Variants in SPEG observed in about 807,000 individuals in gnomAD.
SPEG encodes striated muscle preferentially expressed protein kinase.
In SPEG, 114 loss-of-function variants were observed where a neutral mutation model predicts 300.4. That is an observed-to-expected ratio of 0.38 (90% CI 0.33 to 0.44). The LOEUF is 0.44. Among genes scored for constraint, SPEG ranks in the 20% least tolerant of loss-of-function variants. The pLI is 1.00. For missense variants in SPEG, 4,201 were observed against 4,586.2 expected (o/e 0.92, Z 2.43); for synonymous variants, 1,964 against 2,018.9 (o/e 0.97, Z 0.73).
chr2:219,451,602 C>T lies in SPEG; in HGVS notation c.2258-23C>T, dbSNP rs370957583. 11 of 1,503,410 alleles carry T rather than the reference C, an allele frequency of 7.3e-6. No homozygotes were observed. In the African/African-American group the frequency reaches 8.3e-5, roughly 11 times the overall value. 93.1% of individuals were successfully genotyped at this position (1,503,410 alleles called of 1,614,324 possible). ...TGGGCGCCTGTGGGCCGTGGCGAGCCGGGTCCCTGTGCCTCCCCACAGTGT... is the reference window on the plus strand; with the variant it reads ...TGGGCGCCTGTGGGCCGTGGCGAGCTGGGTCCCTGTGCCTCCCCACAGTGT... On this transcript the variant is annotated intron_variant, in intron 5 of 40. Coordinates refer to ENST00000312358, the MANE Select transcript of SPEG (RefSeq NM_005876.5). This position sits in a 1 kb window ranked among gnomAD's most constrained non-coding sequence, Gnocchi z 6.4.
intron 1 of SPEG, chr2:219,442,052 T>C: frequency 1.7e-6 from 2 of 1,160,092 alleles, no homozygotes; most frequent in Non-Finnish European, 2.1e-6. Context: ...TCCCCCGCCA[T>C]GAAGAAGCTG....
At chr2:219,471,807 G>A (rs1553613607) in intron 13 of SPEG, 61 bp from the exon 14 acceptor site, 2 of 1,604,018 alleles carry the variant, frequency 1.2e-6, no homozygotes, top group Non-Finnish European at 8.5e-7. Context: ...GGATGGCATG[G>A]GCCTACCCCT....
chr2:219,447,304 G>C (rs889082855), intron 3 of SPEG, among the ~76,000 whole-genome samples: 1 of 152,034 alleles, frequency 6.6e-6, no homozygotes, highest in African/African-American at 2.4e-5. Flanking sequence ...CCTATCGGGG[G>C]GCAGACTGAG....
At chr2:219,482,023 C>T (rs748607016) in intron 28 of SPEG, 2 of 435,030 alleles carry the variant, frequency 4.6e-6, no homozygotes, top group Non-Finnish European at 8.4e-6. Context: ...CTCTGTCCTG[C>T]ACTGGTCCCA....
At chr2:219,471,352 G>A (rs573794348) in intron 13 of SPEG, among the ~76,000 whole-genome samples, 3 of 152,330 alleles carry the variant, frequency 2.0e-5, no homozygotes, top group South Asian at 2.1e-4. Context: ...CAACAGAGAC[G>A]TGGCTGGCAG....
Position 219,435,372 on chromosome 2 carries a change from G to A in SPEG, c.388+7G>A. The A allele has an allele frequency of 6.5e-7, 1 of 1,528,232 alleles. No homozygotes were observed. Among genetic ancestry groups the A allele is most frequent in the Non-Finnish European group, 8.7e-7 (1 of 1,145,826 alleles). 94.7% of individuals were successfully genotyped at this position (1,528,232 alleles called of 1,614,324 possible). ...ACAGTGCTGGAGGTCGGAGGTAAAG[G>A]GCAGGTGGGGGCCGCGCCCGGCAGG... On this transcript the variant is annotated splice_region_variant and intron_variant, in intron 1 of 40. Coordinates refer to ENST00000312358, the MANE Select transcript of SPEG (RefSeq NM_005876.5).
At chr2:219,453,145 C>T (rs1689899683) in intron 6 of SPEG, among the ~76,000 whole-genome samples, 1 of 152,192 alleles carries the variant, frequency 6.6e-6, no homozygotes, top group South Asian at 2.1e-4. Context: ...TCCAGGACCC[C>T]AGTCAATACC....
Position 219,488,535 on chromosome 2 carries a change from C to T in SPEG, c.7896C>T (p.Ile2632=), listed in dbSNP as rs753424801. 21 of 1,603,808 alleles carry T rather than the reference C, an allele frequency of 1.3e-5. No individual in the cohort carries two copies. The highest frequency in any genetic ancestry group is 1.7e-4 in the Middle Eastern group (1 of 6,036). Residue 2632 remains isoleucine (I), a synonymous_variant, in exon 33 of 41, where the codon ATC becomes ATT. Coordinates refer to ENST00000312358, the MANE Select transcript of SPEG (RefSeq NM_005876.5). ...KSLRSEPSVI[I]VSCKDGRQLL... is the part of the protein sequence containing the mutation. The stretch of plus-strand genomic sequence containing the variant: ...TGAGGTCAGAGCCCTCAGTGATCAT[C>T]GTGTCCTGCAAAGATGGGCGGCAGC...
In SPEG at chr2:219,483,722, C is replaced by G; in HGVS notation, c.6259C>G (p.Leu2087Val). Reference protein sequence around the residue: ...GGPEDGKVSGLRGPLLESLGG... With the variant: ...GGPEDGKVSGVRGPLLESLGG... ...CCCCGAGGATGGCAAGGTCAGCGGC[C>G]TCAGGGGTCCCCTGCTGGAGAGCCT... Residue 2087 changes from leucine (L) to valine (V), a missense_variant, in exon 30 of 41, where the codon CTC (leucine) becomes GTC (valine). By Grantham distance (32) the Leu-to-Val change is conservative (BLOSUM62 1). Transcript: ENST00000312358. 6.5e-7 allele frequency: 1 copy of G among 1,535,634 alleles called. No individual in the cohort carries two copies.
At chr2:219,438,485 C>T (rs1954776650) in intron 1 of SPEG, among the ~76,000 whole-genome samples, 1 of 152,178 alleles carries the variant, frequency 6.6e-6, no homozygotes, top group African/African-American at 2.4e-5. Flanking sequence ...TCAATATCTC[C>T]AAATCCATCT....
At position 219,483,207 on chromosome 2, in the gene SPEG, G is replaced by C; in HGVS notation, c.5744G>C (p.Ser1915Thr). ...WVTMPRRPPP[S>T]GGLSSSSDSE... ...ACCATGCCCAGAAGGCCACCCCCCA[G>C]TGGGGGGCTCTCATCCTCCTCGGAT... Residue 1915 changes from serine to threonine, a missense_variant, in exon 30 of 41, where the codon AGT (serine) becomes ACT (threonine). This residue lies in a region of SPEG where 1,578 missense variants were observed against 1,506.0 expected (regional missense o/e 1.05). Transcript: ENST00000312358. 3 of 1,610,040 alleles carry C rather than the reference G, an allele frequency of 1.9e-6. 1 individual carries two copies. In the East Asian group the frequency reaches 6.7e-5, roughly 36 times the overall value.
At chr2:219,462,149 A>G (rs1690770449) in intron 7 of SPEG, 92 bp downstream of exon 7, 3 of 1,223,634 alleles carry the variant, frequency 2.5e-6, no homozygotes, top group Middle Eastern at 2.1e-4. Context: ...GGCAACATCA[A>G]GACCTGGAAC....
chr2:219,436,145 G>C (rs1954712615), intron 1 of SPEG, among the ~76,000 whole-genome samples: 1 of 152,238 alleles, frequency 6.6e-6, no homozygotes, highest in Non-Finnish European at 1.5e-5. Flanking sequence ...GAGCATGGAA[G>C]GGGGATGCTA....
chr2:219,480,534 A>G lies in SPEG; in HGVS notation c.5343-137A>G. On this transcript the variant is annotated intron_variant, in intron 25 of 40. Transcript: ENST00000312358. The surrounding 1 kb of genome is among the most constrained non-coding windows in gnomAD (Gnocchi z 5.3). ...GTAGGTTCAGGGTCCTCCCTGAAGA[A>G]GCCACTCCTGTGCCCATTGTCCATG... The G allele has an allele frequency of 2.3e-6, 2 of 867,104 alleles. No individual in the cohort carries two copies. The highest frequency in any genetic ancestry group is 4.8e-5 in the East Asian group (2 of 41,264). 53.7% of individuals were successfully genotyped at this position (867,104 alleles called of 1,614,324 possible).
chr2:219,450,086 A>G (rs756468456), intron 4 of SPEG, among the ~76,000 whole-genome samples: 1 of 152,194 alleles, frequency 6.6e-6, no homozygotes, highest in Non-Finnish European at 1.5e-5. Flanking sequence ...GATCTCTTTC[A>G]TTGCACTTAC....
In SPEG at chr2:219,459,187, C is replaced by T. The variant is rs1393418595; in HGVS notation, c.2441-2695C>T. On this transcript the variant is annotated intron_variant, in intron 6 of 40. Coordinates refer to ENST00000312358, the MANE Select transcript of SPEG (RefSeq NM_005876.5). This position sits in a 1 kb window ranked among gnomAD's most constrained non-coding sequence, Gnocchi z 4.9. ...AGCCAGTGTGAAGGGGCGGTACTTCCGTGGTGGGTTGTTCGGGGCCATTGA... is the reference window on the plus strand; with the variant it reads ...AGCCAGTGTGAAGGGGCGGTACTTCTGTGGTGGGTTGTTCGGGGCCATTGA... Among the ~76,000 whole-genome samples the T allele has an allele frequency of 1.3e-5, 2 of 152,126 alleles. No individual in the cohort carries two copies. Among genetic ancestry groups the T allele is most frequent in the Non-Finnish European group, 2.9e-5 (2 of 68,026 alleles).
Position 219,492,833 on chromosome 2 carries a change from C to A in SPEG, c.*47C>A. 1 of 1,520,708 alleles carries A rather than the reference C, an allele frequency of 6.6e-7. No individual in the cohort carries two copies. Among genetic ancestry groups the A allele is most frequent in the Non-Finnish European group, 8.8e-7 (1 of 1,132,910 alleles). 94.2% of individuals were successfully genotyped at this position (1,520,708 alleles called of 1,614,324 possible). The stretch of plus-strand genomic sequence containing the variant: ...CTCGGGCTTCAACTGGGGTTCCCAC[C>A]AATGCCACGGGACATTCCAGGGCCC... On this transcript the variant is annotated 3_prime_UTR_variant, in exon 41 of 41. Transcript: ENST00000312358.
rs1690373616 is a variant in SPEG at position 219,458,473 on chromosome 2, T to TC, written c.2441-3408dup. 6.6e-6 allele frequency among the ~76,000 whole-genome samples: 1 copy of TC among 151,760 alleles called. No individual in the cohort carries two copies. Among genetic ancestry groups the TC allele is most frequent in the Non-Finnish European group, 1.5e-5 (1 of 67,956 alleles). The stretch of plus-strand genomic sequence containing the variant: ...TTGGCCCCAGCCCCGACCTACTGAA[T>TC]CGGAAATTCCGTGGGTGGGGCCCAG... On this transcript the variant is annotated intron_variant, in intron 6 of 40. Coordinates refer to ENST00000312358, the MANE Select transcript of SPEG (RefSeq NM_005876.5). The surrounding 1 kb of genome is among the most constrained non-coding windows in gnomAD (Gnocchi z 4.2).
Position 219,477,291 on chromosome 2 carries a change from G to T in SPEG, c.4575G>T (p.Leu1525=). ...DIMWYKDEVL[L]TESSHVSFVY... is the part of the protein sequence containing the mutation. ...CCACTCTGCAGGACGAGGTGCTGCT[G>T]ACCGAGAGCAGCCATGTGAGCTTCG... The change falls in exon 20 of 41, where the codon CTG becomes CTT. Residue 1525 remains leucine, a synonymous_variant. Transcript: ENST00000312358. This position sits in a 1 kb window ranked among gnomAD's most constrained non-coding sequence, Gnocchi z 6.4. The T allele has an allele frequency of 6.2e-7, 1 of 1,612,022 alleles. No individual in the cohort carries two copies. Among genetic ancestry groups the T allele is most frequent in the South Asian group, 1.1e-5 (1 of 90,902 alleles).
Sources: gnomAD v4.1 joint callset for allele counts (sites outside exome capture counted in the v4.1 genomes callset) on GRCh38, gnomAD v4.1.1 for gene constraint, gnomAD v4.1.1 regional missense constraint, Gnocchi (gnomAD v3.1) non-coding constraint, MANE v1.5 for transcripts, NCBI Gene and HGNC (gene_info 2026-07-23, HGNC 2026-07-21) for gene names.